Variants in CCSER1 observed in about 807,000 individuals in gnomAD.
CCSER1 encodes the protein coiled-coil serine rich protein 1.
CCSER1 carries 41 observed loss-of-function variants against 82.0 expected under a neutral mutation model. The ratio of observed to expected loss-of-function variants is 0.50; its 90% CI spans 0.39 to 0.65. CCSER1 has a LOEUF of 0.65. Among genes scored for constraint, CCSER1 ranks in the 30% least tolerant of loss-of-function variants. The probability of loss-of-function intolerance (pLI) is 0.00; values close to 1 mark genes in which losing one functional copy is unlikely to be tolerated. For synonymous variants in CCSER1, 414 were observed against 383.9 expected (o/e 1.08, Z -0.92); for missense variants, 1,119 against 1,064.2 (o/e 1.05, Z -0.72).
At chr4:90,767,331 T>C (rs1751400928) in intron 7 of CCSER1, among the ~76,000 whole-genome samples, 1 of 152,070 alleles carries the variant, frequency 6.6e-6, no homozygotes, top group Non-Finnish European at 1.5e-5. Flanking sequence ...AAAGGCAGCA[T>C]AATGTGACTG....
At chr4:90,549,128 TCATC>T (rs1227526763) in intron 5 of CCSER1, among the ~76,000 whole-genome samples, 2 of 152,218 alleles carry the variant, frequency 1.3e-5, no homozygotes, top group East Asian at 3.8e-4. Context: ...TTTTCACTAA[TCATC>T]CACTGCTGTT....
chr4:90,851,969 C>G (rs1404512561), intron 8 of CCSER1, among the ~76,000 whole-genome samples: 1 of 151,960 alleles, frequency 6.6e-6, no homozygotes, highest in Non-Finnish European at 1.5e-5. Context: ...TTCTTCCAAC[C>G]CTTTGTGGAA....
intron 4 of CCSER1, among the ~76,000 whole-genome samples, chr4:90,414,199 T>A (rs912124702): frequency 1.3e-5 from 2 of 150,792 alleles, no homozygotes; most frequent in Non-Finnish European, 3.0e-5. Context: ...AAAAATAAAA[T>A]TAAAAATTTC....
intron 1 of CCSER1, among the ~76,000 whole-genome samples, chr4:90,147,301 TAG>T (rs1725998552): frequency 6.6e-6 from 1 of 152,144 alleles, no homozygotes; most frequent in Non-Finnish European, 1.5e-5. Flanking sequence ...TTTATAAAAA[TAG>T]AGACACAGAA....
chr4:90,968,228 T>C (rs1734759004), intron 9 of CCSER1, among the ~76,000 whole-genome samples: 1 of 151,598 alleles, frequency 6.6e-6, no homozygotes, highest in African/African-American at 2.4e-5. Context: ...ATAATAATAA[T>C]AAAAGAACCA....
chr4:90,160,826 CA>C (rs1174757926), intron 1 of CCSER1, among the ~76,000 whole-genome samples: 1 of 151,670 alleles, frequency 6.6e-6, no homozygotes, highest in Non-Finnish European at 1.5e-5. Context: ...TGAAGATTAG[CA>C]AAAAAACAGG....
intron 4 of CCSER1, among the ~76,000 whole-genome samples, chr4:90,463,545 A>G (rs114245820): frequency 0.012 from 1,777 of 152,296 alleles, 14 homozygotes; most frequent in South Asian, 0.022. Flanking sequence ...TAAATAATGT[A>G]TTCTTTTGCT....
At chr4:91,542,207 T>G (rs944506687) in intron 10 of CCSER1, among the ~76,000 whole-genome samples, 1 of 152,230 alleles carries the variant, frequency 6.6e-6, no homozygotes, top group African/African-American at 2.4e-5. Context: ...CAGTTTCTTT[T>G]GCCGTGCAGA....
chr4:91,356,181 C>T (rs1748818012), intron 10 of CCSER1, among the ~76,000 whole-genome samples: 2 of 152,212 alleles, frequency 1.3e-5, no homozygotes, highest in Non-Finnish European at 2.9e-5. Flanking sequence ...GGCCACTGGC[C>T]TTGGCCAGGG....
intron 5 of CCSER1, among the ~76,000 whole-genome samples, chr4:90,515,419 C>G (rs988800025): frequency 6.6e-6 from 1 of 152,200 alleles, no homozygotes; most frequent in African/African-American, 2.4e-5. Flanking sequence ...ACTTTTGAAG[C>G]TTTTGCATAA....
intron 9 of CCSER1, among the ~76,000 whole-genome samples, chr4:90,930,353 G>A (rs1304310046): frequency 6.6e-6 from 1 of 152,088 alleles, no homozygotes; most frequent in Non-Finnish European, 1.5e-5. Context: ...TGTAATCCCA[G>A]CACTTTGGGA....
intron 10 of CCSER1, among the ~76,000 whole-genome samples, chr4:91,200,683 T>TA (rs1394138027): frequency 6.6e-6 from 1 of 151,982 alleles, no homozygotes; most frequent in South Asian, 2.1e-4. Context: ...GTGAAACAAG[T>TA]AGAGTGGATG....
chr4:90,985,644 G>A (rs1222972743), intron 9 of CCSER1, among the ~76,000 whole-genome samples: 1 of 151,552 alleles, frequency 6.6e-6, no homozygotes, highest in Non-Finnish European at 1.5e-5. Flanking sequence ...CTCAGTATTA[G>A]TAATACATAC....
chr4:90,183,540 C>T (rs1276713974), intron 1 of CCSER1, among the ~76,000 whole-genome samples: 1 of 152,092 alleles, frequency 6.6e-6, no homozygotes, highest in African/African-American at 2.4e-5. Context: ...CCACAGTGCA[C>T]ACACACATGC....
chr4:90,562,573 T>C (rs901390054), intron 5 of CCSER1, among the ~76,000 whole-genome samples: 2 of 152,142 alleles, frequency 1.3e-5, no homozygotes, highest in Admixed American at 6.6e-5. Flanking sequence ...AGTCTCACTC[T>C]GTCACCCAGG....
chr4:90,463,394 C>T (rs922770984), intron 4 of CCSER1, among the ~76,000 whole-genome samples: 3 of 152,190 alleles, frequency 2.0e-5, no homozygotes, highest in African/African-American at 4.8e-5. Flanking sequence ...TTTTTCTATA[C>T]TCAAGCTGTG....
chr4:90,929,836 T>G (rs2150278404), intron 9 of CCSER1, among the ~76,000 whole-genome samples: 1 of 152,346 alleles, frequency 6.6e-6, no homozygotes, highest in African/African-American at 2.4e-5. Flanking sequence ...TAATTAATGA[T>G]AATGTATTAT....
In CCSER1 at chr4:90,691,511, TTACATGTGTACATATCACACGTATAA is replaced by T. The variant is rs545817108; in HGVS notation, c.1933-32383_1933-32358del. Among the ~76,000 whole-genome samples, 71 of 151,834 alleles carry T rather than the reference TTACATGTGTACATATCACACGTATAA, an allele frequency of 4.7e-4. No homozygotes were observed. The East Asian group carries it at 0.013, about 27-fold the overall frequency. The stretch of plus-strand genomic sequence containing the variant: ...ACATGTATATAAACGTGTGTATATA[TTACATGTGTACATATCACACGTATAA>T]TACATGTGTACATATCACATGTGTG... On this transcript the variant is annotated intron_variant, in intron 6 of 10. Coordinates refer to ENST00000509176, the MANE Select transcript of CCSER1 (RefSeq NM_001145065.2).
chr4:91,595,945 A>C (rs1335589107), intron 10 of CCSER1, among the ~76,000 whole-genome samples: 1 of 47,102 alleles, frequency 2.1e-5, no homozygotes, highest in South Asian at 5.4e-4. Context: ...AGAGAACTTA[A>C]AAAAAAAAAA....
Sources: allele counts gnomAD v4.1 joint callset (sites outside exome capture counted in the v4.1 genomes callset), GRCh38; gene constraint gnomAD v4.1.1; transcripts MANE v1.5; gene names NCBI Gene and HGNC (gene_info 2026-07-23, HGNC 2026-07-21).